Variants in TMEM232 observed in about 807,000 individuals in gnomAD.
TMEM232 encodes transmembrane protein 232.
Under a neutral mutation model 78.8 loss-of-function variants are expected in TMEM232, and 80 were observed. The ratio of observed to expected loss-of-function variants is 1.01; its 90% confidence interval spans 0.85 to 1.22. TMEM232 has a LOEUF of 1.22. Ranked by LOEUF, TMEM232 falls within the 50% of genes most tolerant of loss-of-function variation. The pLI, the probability that TMEM232 is intolerant of heterozygous loss-of-function variation, is 0.00. For missense variants in TMEM232, 881 were observed against 742.2 expected (o/e 1.19, Z -2.17); for synonymous variants, 297 against 254.3 (o/e 1.17, Z -1.60).
At chr5:110,544,873 A>G (rs1406135655) in intron 11 of TMEM232, among the ~76,000 whole-genome samples, 9 of 152,096 alleles carry the variant, frequency 5.9e-5, no homozygotes, top group African/African-American at 2.2e-4. Flanking sequence ...TTATCAATGT[A>G]GTATCTCAGG....
intron 8 of TMEM232, among the ~76,000 whole-genome samples, chr5:110,609,463 A>G (rs914522820): frequency 9.9e-5 from 15 of 152,022 alleles, no homozygotes; most frequent in Admixed American, 1.3e-4. Context: ...CCAATCCTTT[A>G]TCTTAAGGTA....
intron 2 of TMEM232, among the ~76,000 whole-genome samples, chr5:110,650,654 C>T (rs748634653): frequency 1.7e-4 from 26 of 152,088 alleles, no homozygotes; most frequent in Non-Finnish European, 3.2e-4. Context: ...TAGTACTCTT[C>T]AAAATTGTCA....
intron 1 of TMEM232, among the ~76,000 whole-genome samples, chr5:110,671,237 A>T (rs980497373): frequency 2.0e-5 from 3 of 152,236 alleles, no homozygotes; most frequent in African/African-American, 7.2e-5. Flanking sequence ...ATCATTAAAA[A>T]GTCTGGAAAC....
chr5:110,416,397 TA>T (rs1193147313), downstream of TMEM232, among the ~76,000 whole-genome samples: 1 of 152,136 alleles, frequency 6.6e-6, no homozygotes, highest in Non-Finnish European at 1.5e-5. Context: ...ATAAAACAAA[TA>T]GGGGTGTTCT....
chr5:110,540,820 C>T (rs1773015495), intron 11 of TMEM232, among the ~76,000 whole-genome samples: 1 of 152,194 alleles, frequency 6.6e-6, no homozygotes, highest in Admixed American at 6.6e-5. Flanking sequence ...GGTTCATGCT[C>T]ATGCTACAAT....
intron 12 of TMEM232, among the ~76,000 whole-genome samples, chr5:110,514,937 A>G (rs1390954343): frequency 1.3e-5 from 2 of 152,260 alleles, no homozygotes; most frequent in East Asian, 3.8e-4. Flanking sequence ...TCTAAAAATC[A>G]TACGGCAGAA....
intron 1 of TMEM232, among the ~76,000 whole-genome samples, chr5:110,707,810 T>C (rs1796084191): frequency 6.6e-6 from 1 of 152,300 alleles, no homozygotes; most frequent in South Asian, 2.1e-4. Flanking sequence ...GTCTTACATC[T>C]TGGATACCAG....
intron 2 of TMEM232, among the ~76,000 whole-genome samples, chr5:110,411,935 TATG>T (rs1330242266): frequency 1.3e-5 from 2 of 152,190 alleles, no homozygotes; most frequent in African/African-American, 4.8e-5. Flanking sequence ...ATATCTAAAT[TATG>T]ATGAAGAAAC....
intron 12 of TMEM232, among the ~76,000 whole-genome samples, chr5:110,502,523 CCTTTCT>C (rs1443438533): frequency 6.6e-6 from 1 of 152,180 alleles, no homozygotes; most frequent in Non-Finnish European, 1.5e-5. Flanking sequence ...AGACCATGAT[CCTTTCT>C]CTTTAATAGG....
chr5:110,403,418 T>G (rs1342417402), intron 2 of TMEM232, among the ~76,000 whole-genome samples: 1 of 152,100 alleles, frequency 6.6e-6, no homozygotes, highest in African/African-American at 2.4e-5. Flanking sequence ...TGCTGGGATA[T>G]CTAAGGACGT....
chr5:110,668,462 G>C (rs1043503599), intron 1 of TMEM232, among the ~76,000 whole-genome samples: 1 of 152,118 alleles, frequency 6.6e-6, no homozygotes, highest in Admixed American at 6.6e-5. Flanking sequence ...CAAACTAGAA[G>C]CCAGAAAGTA....
intron 2 of TMEM232, among the ~76,000 whole-genome samples, chr5:110,644,273 C>T (rs910493659): frequency 3.3e-5 from 5 of 151,806 alleles, no homozygotes; most frequent in Admixed American, 6.6e-5. Context: ...TGTGAACCTA[C>T]GCTACATAAA....
At chr5:110,500,327 A>G (rs930543377) in intron 12 of TMEM232, among the ~76,000 whole-genome samples, 10 of 151,756 alleles carry the variant, frequency 6.6e-5, no homozygotes, top group East Asian at 1.9e-4. Context: ...AAAAACTGAA[A>G]AAGTTTAATT....
At chr5:110,465,658 T>G (rs538575371) in intron 12 of TMEM232, among the ~76,000 whole-genome samples, 1 of 152,290 alleles carries the variant, frequency 6.6e-6, no homozygotes, top group Admixed American at 6.5e-5. Context: ...ATCTAGAAAT[T>G]TGAACTAAAT....
chr5:110,641,324 A>C (rs542465077), intron 3 of TMEM232, among the ~76,000 whole-genome samples: 2 of 152,260 alleles, frequency 1.3e-5, no homozygotes, highest in African/African-American at 4.8e-5. Context: ...ATAAGGAAAA[A>C]CATTGAAGAA....
intron 12 of TMEM232, among the ~76,000 whole-genome samples, chr5:110,468,112 G>GAT (rs1762282020): frequency 6.6e-6 from 1 of 151,630 alleles, no homozygotes; most frequent in Non-Finnish European, 1.5e-5. Flanking sequence ...GAAAAAAAAA[G>GAT]ATAGATACAT....
intron 10 of TMEM232, among the ~76,000 whole-genome samples, chr5:110,587,691 A>ATATATGTGTGTGTG (rs1209205049): frequency 3.2e-5 from 2 of 63,132 alleles, no homozygotes; most frequent in Non-Finnish European, 5.5e-5. Flanking sequence ...ATATATATAT[A>ATATATGTGTGTGTG]TGTGTGTGTG....
At chr5:110,566,314 A>C (rs903680227) in intron 11 of TMEM232, among the ~76,000 whole-genome samples, 3 of 151,832 alleles carry the variant, frequency 2.0e-5, no homozygotes, top group African/African-American at 7.2e-5. Context: ...CATGTCCTGG[A>C]CACATTTTCC....
intron 1 of TMEM232, among the ~76,000 whole-genome samples, chr5:110,724,180 T>G (rs1163983058): frequency 2.0e-5 from 3 of 152,188 alleles, no homozygotes; most frequent in Non-Finnish European, 2.9e-5. Context: ...TGCAAAGTAC[T>G]TTCACATACT....
Sources: gnomAD v4.1 joint callset for allele counts (sites outside exome capture counted in the v4.1 genomes callset) on GRCh38, gnomAD v4.1.1 for gene constraint, MANE v1.5 for transcripts, NCBI Gene and HGNC (gene_info 2026-07-23, HGNC 2026-07-21) for gene names.